SH3KBP1: variants seen among roughly 807,000 people sequenced by gnomAD.
SH3KBP1 encodes the protein SH3 domain containing kinase binding protein 1.
SH3KBP1 carries 8 observed loss-of-function variants against 50.1 expected under a neutral mutation model. That is an observed-to-expected ratio of 0.16 (90% CI 0.09 to 0.29). SH3KBP1 has a LOEUF of 0.29. Among genes scored for constraint, SH3KBP1 ranks in the 10% least tolerant of loss-of-function variants. The pLI, the probability that SH3KBP1 is intolerant of heterozygous loss-of-function variation, is 1.00. For missense variants in SH3KBP1, 377 were observed against 535.2 expected (o/e 0.70, Z 2.92); for synonymous variants, 227 against 218.6 (o/e 1.04, Z -0.34).
chrX:19,691,041 C>A (rs1569421771), intron 5 of SH3KBP1, among the ~76,000 whole-genome samples: 1 of 111,830 alleles, frequency 8.9e-6, no homozygotes, highest in East Asian at 2.8e-4. Context: ...ATTAGCACAA[C>A]CACTTGGCTG....
At position 19,535,272 on chromosome X, in the gene SH3KBP1, AC is replaced by A; in HGVS notation, c.*1144del. 4.1e-6 allele frequency: 1 copy of A among 244,849 alleles called. No individual in the cohort carries two copies. The highest frequency in any genetic ancestry group is 7.3e-6 in the Non-Finnish European group (1 of 136,947). 20.2% of individuals were successfully genotyped at this position (244,849 alleles called of 1,213,427 possible). A position where few individuals can be genotyped will look rare whatever the true frequency, so the allele number is the denominator to read the frequency against. On this transcript the variant is annotated 3_prime_UTR_variant, in exon 18 of 18. Transcript: ENST00000397821. ...GTTCCAGTGGCTACACTTCAACATG[AC>A]CCTCCTCCCATTCTCTTGGACCTGA...
chrX:19,572,555 G>A (rs1010585095), intron 12 of SH3KBP1, among the ~76,000 whole-genome samples: 1 of 108,228 alleles, frequency 9.2e-6, no homozygotes, highest in Non-Finnish European at 1.9e-5. Flanking sequence ...ATATATAAAA[G>A]AGTAAAATGT....
chrX:19,632,056 A>G (rs745828308), intron 7 of SH3KBP1, 98 bp from the exon 8 acceptor site: 10 of 474,896 alleles, frequency 2.1e-5, no homozygotes, highest in Middle Eastern at 5.7e-4. Context: ...AGGGAAAGGC[A>G]CACTTAACAG....
intron 2 of SH3KBP1, among the ~76,000 whole-genome samples, chrX:19,758,078 C>A (rs984392014): frequency 2.7e-5 from 3 of 110,441 alleles, no homozygotes; most frequent in Admixed American, 1.9e-4. Context: ...GTAATCCCAG[C>A]ACTCTGAGAG....
At chrX:19,536,591 G>C (rs1028188423) in intron 17 of SH3KBP1, 133 bp from the exon 18 acceptor site, 1 of 391,260 alleles carries the variant, frequency 2.6e-6, no homozygotes. Flanking sequence ...CATGACATCT[G>C]AATAGACAAT....
chrX:19,880,547 A>T (rs1003773275), intron 1 of SH3KBP1, among the ~76,000 whole-genome samples: 4 of 109,722 alleles, frequency 3.6e-5, no homozygotes, highest in African/African-American at 1.4e-4. Flanking sequence ...AATTAAAAAT[A>T]AAAAATGTTT....
In SH3KBP1 at chrX:19,656,832, A is replaced by T. The variant is rs184760257; in HGVS notation, c.727-11357T>A. Among the ~76,000 whole-genome samples the T allele has an allele frequency of 4.7e-3, 529 of 112,284 alleles. 5 individuals are homozygous for T. The highest frequency in any genetic ancestry group is 0.016 in the African/African-American group (508 of 30,913). On this transcript the variant is annotated intron_variant, in intron 6 of 17. Transcript: ENST00000397821. ...TACCATTTGAAAACTAAAACATTTT[A>T]AAAAACATAGACATGTGAGAAACTC...
chrX:19,812,247 G>A (rs1049373058), intron 2 of SH3KBP1, among the ~76,000 whole-genome samples: 8 of 111,378 alleles, frequency 7.2e-5, no homozygotes, highest in Non-Finnish European at 1.1e-4. Context: ...AAAACGGGCT[G>A]ACTTCATACA....
intron 9 of SH3KBP1, among the ~76,000 whole-genome samples, chrX:19,603,973 C>T (rs2067168653): frequency 8.9e-6 from 1 of 111,839 alleles, no homozygotes; most frequent in Non-Finnish European, 1.9e-5. Flanking sequence ...CAGGCATGAA[C>T]CACCACACTG....
chrX:19,688,816 T>C (rs1248625498), intron 5 of SH3KBP1, among the ~76,000 whole-genome samples: 1 of 112,040 alleles, frequency 8.9e-6, no homozygotes, highest in Non-Finnish European at 1.9e-5. Flanking sequence ...AGCTTCCTAA[T>C]AAGTCTGGAG....
intron 6 of SH3KBP1, among the ~76,000 whole-genome samples, chrX:19,652,379 T>G (rs1436554416): frequency 9.0e-6 from 1 of 111,400 alleles, no homozygotes; most frequent in African/African-American, 3.3e-5. Flanking sequence ...TTCCAAATAC[T>G]CCTCATATTA....
At chrX:19,551,569 G>A (rs1485255634) in intron 13 of SH3KBP1, among the ~76,000 whole-genome samples, 1 of 87,352 alleles carries the variant, frequency 1.1e-5, no homozygotes, top group East Asian at 3.2e-4. Context: ...TTTTTTGACA[G>A]GGTCTTGCTC....
intron 8 of SH3KBP1, among the ~76,000 whole-genome samples, chrX:19,609,510 C>CA (rs771481488): frequency 9.0e-6 from 1 of 111,459 alleles, no homozygotes; most frequent in Non-Finnish European, 1.9e-5. Context: ...AACAAACAAA[C>CA]AAAAAAACCT....
At chrX:19,738,871 C>T (rs2064682768) in intron 3 of SH3KBP1, among the ~76,000 whole-genome samples, 1 of 107,426 alleles carries the variant, frequency 9.3e-6, no homozygotes, top group Non-Finnish European at 1.9e-5. Flanking sequence ...ATTGGCCGGG[C>T]ATGGTGGCAG....
intron 2 of SH3KBP1, among the ~76,000 whole-genome samples, chrX:19,749,478 G>A (rs2065007059): frequency 8.9e-6 from 1 of 112,958 alleles, no homozygotes; most frequent in Non-Finnish European, 1.9e-5. Flanking sequence ...ATATTATACA[G>A]CCTCGAAAAG....
intron 6 of SH3KBP1, among the ~76,000 whole-genome samples, chrX:19,667,655 C>T (rs936049142): frequency 4.5e-5 from 5 of 110,466 alleles, no homozygotes; most frequent in African/African-American, 6.6e-5. Flanking sequence ...CATAAAATGG[C>T]AAAGGCAGTA....
intron 6 of SH3KBP1, among the ~76,000 whole-genome samples, chrX:19,655,939 A>G (rs1033063873): frequency 6.2e-5 from 7 of 112,339 alleles, no homozygotes; most frequent in African/African-American, 2.3e-4. Flanking sequence ...ACAAACGTTC[A>G]TGGGAAAATA....
At chrX:19,760,058 C>G (rs1177875670) in intron 2 of SH3KBP1, among the ~76,000 whole-genome samples, 1 of 96,872 alleles carries the variant, frequency 1.0e-5, no homozygotes, top group Non-Finnish European at 2.0e-5. Context: ...CTCTCTCTCT[C>G]TCTCTCTCTC....
At chrX:19,745,567 A>G (rs931205441) in intron 3 of SH3KBP1, among the ~76,000 whole-genome samples, 12 of 111,894 alleles carry the variant, frequency 1.1e-4, no homozygotes, top group African/African-American at 3.9e-4. Flanking sequence ...TAATAAGCCC[A>G]CTAAAAGCTG....
Sources: gnomAD v4.1 joint callset for allele counts (sites outside exome capture counted in the v4.1 genomes callset) on GRCh38, gnomAD v4.1.1 for gene constraint, MANE v1.5 for transcripts, NCBI Gene and HGNC (gene_info 2026-07-23, HGNC 2026-07-21) for gene names.